Variants in RBFOX1 observed in about 807,000 individuals in gnomAD.
RBFOX1 encodes the protein RNA binding fox-1 homolog 1.
RBFOX1 carries 8 observed loss-of-function variants against 57.7 expected under a neutral mutation model. The observed-to-expected ratio is 0.14, with a 90% confidence interval of 0.08 to 0.25. The LOEUF (loss-of-function observed/expected upper bound fraction) is 0.25. Ranked by LOEUF, RBFOX1 falls within the 10% of genes least tolerant of loss-of-function variation. RBFOX1 has a pLI of 1.00. For missense variants in RBFOX1, 611 were observed against 548.5 expected, an observed-to-expected ratio of 1.11 and a Z score of -1.14; for synonymous variants, 326 against 222.4, an observed-to-expected ratio of 1.47 and a Z score of -4.15.
intron 10 of RBFOX1, among the ~76,000 whole-genome samples, chr16:7,610,200 A>G (rs759085154): frequency 3.1e-5 from 4 of 130,352 alleles, no homozygotes; most frequent in African/African-American, 9.1e-5. Context: ...ACTCTCTGCA[A>G]CCTCCGCCTC....
At chr16:6,777,637 A>T (rs2079601066) in intron 3 of RBFOX1, among the ~76,000 whole-genome samples, 1 of 152,146 alleles carries the variant, frequency 6.6e-6, no homozygotes, top group South Asian at 2.1e-4. Context: ...TCAGTGTTTT[A>T]AAAATCCAGT....
At chr16:5,619,331 G>A (rs1320670329) in intron 3 of RBFOX1, among the ~76,000 whole-genome samples, 1 of 152,130 alleles carries the variant, frequency 6.6e-6, no homozygotes, top group Non-Finnish European at 1.5e-5. Flanking sequence ...GAGTTCCTTG[G>A]CAGATAGTGC....
At chr16:7,129,358 C>G (rs1057033658) in intron 4 of RBFOX1, among the ~76,000 whole-genome samples, 7 of 151,958 alleles carry the variant, frequency 4.6e-5, no homozygotes, top group African/African-American at 1.7e-4. Context: ...AGGAGTCAGC[C>G]CTACCTAAAC....
chr16:6,794,663 C>G (rs1452087967), intron 3 of RBFOX1, among the ~76,000 whole-genome samples: 1 of 152,078 alleles, frequency 6.6e-6, no homozygotes, highest in Non-Finnish European at 1.5e-5. Context: ...AACCCTTCCC[C>G]CCATCACTTA....
chr16:5,819,354 C>G (rs1436882364), intron 3 of RBFOX1, among the ~76,000 whole-genome samples: 1 of 152,166 alleles, frequency 6.6e-6, no homozygotes, highest in Non-Finnish European at 1.5e-5. Flanking sequence ...GGCCTCACCT[C>G]TTTTAGGGGA....
intron 3 of RBFOX1, among the ~76,000 whole-genome samples, chr16:5,674,684 G>T (rs1003865998): frequency 6.6e-6 from 1 of 152,198 alleles, no homozygotes; most frequent in Non-Finnish European, 1.5e-5. Flanking sequence ...CTAATACGTG[G>T]CGAATGCATG....
At chr16:5,733,365 C>A (rs973499853) in intron 3 of RBFOX1, among the ~76,000 whole-genome samples, 1 of 152,186 alleles carries the variant, frequency 6.6e-6, no homozygotes, top group Admixed American at 6.5e-5. Flanking sequence ...AGGAAGGCCA[C>A]TGGGGAAGCA....
At chr16:6,091,538 C>A (rs898070128) in intron 1 of RBFOX1, among the ~76,000 whole-genome samples, 2 of 147,130 alleles carry the variant, frequency 1.4e-5, no homozygotes, top group African/African-American at 5.1e-5. Flanking sequence ...TCAAAAAAAA[C>A]ATTTGTTGAG....
intron 3 of RBFOX1, among the ~76,000 whole-genome samples, chr16:6,682,288 G>A (rs1353943743): frequency 6.6e-6 from 1 of 152,120 alleles, no homozygotes; most frequent in African/African-American, 2.4e-5. Flanking sequence ...TCCTCTGGAG[G>A]GATTGAGCTC....
chr16:6,396,740 T>TGAA (rs1567188589), intron 2 of RBFOX1, among the ~76,000 whole-genome samples: 1 of 151,344 alleles, frequency 6.6e-6, no homozygotes, highest in East Asian at 1.9e-4. Context: ...ACTAGATGTG[T>TGAA]GAAGAAACAG....
chr16:7,540,604 A>G (rs961640460), intron 5 of RBFOX1, among the ~76,000 whole-genome samples: 1 of 152,170 alleles, frequency 6.6e-6, no homozygotes, highest in Non-Finnish European at 1.5e-5. Context: ...TGCTGTCTCT[A>G]TGGTTGTTGT....
intron 1 of RBFOX1, among the ~76,000 whole-genome samples, chr16:6,172,363 A>G (rs1249853362): frequency 6.6e-6 from 1 of 152,158 alleles, no homozygotes; most frequent in Admixed American, 6.5e-5. Context: ...GAGGAAACTG[A>G]GCTCTGAAGC....
intron 14 of RBFOX1, among the ~76,000 whole-genome samples, chr16:7,681,846 C>G (rs913450017): frequency 6.6e-6 from 1 of 152,050 alleles, no homozygotes; most frequent in Non-Finnish European, 1.5e-5. Context: ...CTTATCTGAA[C>G]CAAGTTTGAT....
intron 4 of RBFOX1, among the ~76,000 whole-genome samples, chr16:7,240,182 G>C (rs1037756688): frequency 2.6e-5 from 4 of 152,058 alleles, no homozygotes; most frequent in African/African-American, 9.7e-5. Context: ...GGCCAAGCTG[G>C]TCTTGAACTC....
At chr16:7,481,759 A>G (rs760403573) in intron 4 of RBFOX1, among the ~76,000 whole-genome samples, 2 of 152,024 alleles carry the variant, frequency 1.3e-5, no homozygotes, top group African/African-American at 2.4e-5. Flanking sequence ...AGAAAACATA[A>G]TAAGTCAAAA....
intron 4 of RBFOX1, among the ~76,000 whole-genome samples, chr16:7,324,797 T>C (rs1313672972): frequency 6.6e-6 from 1 of 152,230 alleles, no homozygotes; most frequent in Non-Finnish European, 1.5e-5. Flanking sequence ...ATGTGGTTAG[T>C]ACTGCTGGTT....
intron 3 of RBFOX1, among the ~76,000 whole-genome samples, chr16:5,770,735 A>T (rs1439684696): frequency 6.6e-6 from 1 of 152,172 alleles, no homozygotes; most frequent in East Asian, 1.9e-4. Flanking sequence ...AAACTGATTT[A>T]TTCCACTGTT....
chr16:7,669,364 G>C (rs1245646329), intron 13 of RBFOX1, among the ~76,000 whole-genome samples: 1 of 152,094 alleles, frequency 6.6e-6, no homozygotes, highest in Non-Finnish European at 1.5e-5. Context: ...AATGAAAAGA[G>C]GGAGAGAAAG....
intron 4 of RBFOX1, among the ~76,000 whole-genome samples, chr16:7,222,044 C>T (rs544809060): frequency 6.6e-5 from 10 of 152,212 alleles, no homozygotes; most frequent in Admixed American, 2.6e-4. Flanking sequence ...AAAATTTTTC[C>T]GTGAAGACAC....
Sources: gnomAD v4.1 joint callset for allele counts (sites outside exome capture counted in the v4.1 genomes callset) on GRCh38, gnomAD v4.1.1 for gene constraint, MANE v1.5 for transcripts, NCBI Gene and HGNC (gene_info 2026-07-23, HGNC 2026-07-21) for gene names.